Variants in ZEB1 observed in about 807,000 individuals in gnomAD.
ZEB1 encodes the protein zinc finger E-box binding homeobox 1, also known as zinc finger E-box-binding homeobox 1.
Under a neutral mutation model 84.9 loss-of-function variants are expected in ZEB1, and 21 were observed. The observed-to-expected ratio is 0.25, with a 90% confidence interval of 0.18 to 0.36. ZEB1 has a LOEUF of 0.36. ZEB1 is among the 10% of genes least tolerant of loss of function. ZEB1 has a pLI of 1.00. For missense variants in ZEB1, 1,104 were observed against 1,330.2 expected (o/e 0.83, Z 2.65); for synonymous variants, 420 against 471.1 (o/e 0.89, Z 1.41).
At chr10:31,399,495 C>T (rs1381861903) in intron 1 of ZEB1, among the ~76,000 whole-genome samples, 1 of 152,076 alleles carries the variant, frequency 6.6e-6, no homozygotes, top group Non-Finnish European at 1.5e-5. Flanking sequence ...TATTATCTTG[C>T]TTCTGTCCCA....
At chr10:31,332,353 A>C (rs2036986792) in intron 1 of ZEB1, among the ~76,000 whole-genome samples, 1 of 152,198 alleles carries the variant, frequency 6.6e-6, no homozygotes, top group South Asian at 2.1e-4. Context: ...CAGTGCAAAC[A>C]AATGTGTTGT....
At chr10:31,484,934 A>G (rs917043796) in intron 2 of ZEB1, among the ~76,000 whole-genome samples, 4 of 151,928 alleles carry the variant, frequency 2.6e-5, no homozygotes, top group African/African-American at 9.7e-5. Context: ...CACTTTTGCA[A>G]TGATGTTGTA....
chr10:31,527,532 A>G lies in ZEB1; in HGVS notation c.*268A>G, dbSNP rs1244152480. On this transcript the variant is annotated 3_prime_UTR_variant, in exon 9 of 9. Coordinates refer to ENST00000424869, the MANE Select transcript of ZEB1 (RefSeq NM_001174096.2). ...TCAAAGTTAGGAACAAGTTTGTAAC[A>G]TGCAGCAGATTAGAAAACCTTAATG... The G allele has an allele frequency of 8.6e-6, 4 of 464,840 alleles. No homozygotes were observed. Among genetic ancestry groups the G allele is most frequent in the Non-Finnish European group, 1.5e-5 (4 of 260,352 alleles). 28.8% of individuals were successfully genotyped at this position (464,840 alleles called of 1,614,324 possible).
chr10:31,413,743 A>G (rs768451666), intron 1 of ZEB1, among the ~76,000 whole-genome samples: 7 of 152,186 alleles, frequency 4.6e-5, no homozygotes, highest in Non-Finnish European at 1.0e-4. Context: ...ATTGACTATT[A>G]AGAATATAGA....
intron 2 of ZEB1, among the ~76,000 whole-genome samples, chr10:31,472,298 AATAG>A (rs200088899): frequency 0.038 from 5,792 of 152,206 alleles, 208 homozygotes; most frequent in African/African-American, 0.094. Context: ...GGGTCAAGAA[AATAG>A]ATAGACCACT....
chr10:31,464,834 AT>A (rs1030121786), intron 2 of ZEB1, among the ~76,000 whole-genome samples: 2 of 152,204 alleles, frequency 1.3e-5, no homozygotes, highest in South Asian at 2.1e-4. Context: ...AAGCTGAGGG[AT>A]TTTGTCACTG....
chr10:31,412,940 C>T (rs1343359808), intron 1 of ZEB1, among the ~76,000 whole-genome samples: 1 of 152,154 alleles, frequency 6.6e-6, no homozygotes, highest in Non-Finnish European at 1.5e-5. Flanking sequence ...CTGACTTACC[C>T]TGCAATTGCT....
chr10:31,506,910 C>T (rs2069077701), intron 4 of ZEB1, among the ~76,000 whole-genome samples: 1 of 151,930 alleles, frequency 6.6e-6, no homozygotes, highest in African/African-American at 2.4e-5. Flanking sequence ...CTTATTTGTA[C>T]TTGTTCTACC....
chr10:31,494,411 T>C (rs1199027080), intron 2 of ZEB1, among the ~76,000 whole-genome samples: 1 of 152,068 alleles, frequency 6.6e-6, no homozygotes, highest in Non-Finnish European at 1.5e-5. Context: ...ATCATCTTCA[T>C]GTACTAGTAT....
chr10:31,415,637 T>G (rs2055089714), intron 1 of ZEB1, among the ~76,000 whole-genome samples: 1 of 152,142 alleles, frequency 6.6e-6, no homozygotes, highest in Non-Finnish European at 1.5e-5. Flanking sequence ...TGCTTTAACA[T>G]ACCTTCATCA....
intron 1 of ZEB1, among the ~76,000 whole-genome samples, chr10:31,341,056 A>G (rs915153368): frequency 1.4e-4 from 22 of 152,122 alleles, no homozygotes; most frequent in African/African-American, 4.6e-4. Flanking sequence ...TTTAAATGCC[A>G]TGTTTAGGAG....
In ZEB1 at chr10:31,385,504, TTTTTC is replaced by T. The variant is rs200397225; in HGVS notation, c.58+66222_58+66226del. The stretch of plus-strand genomic sequence containing the variant: ...TCAGCATTTCTTCATTTTGTTTTCT[TTTTTC>T]TTTTCTTTTTTTCTTTTTCTTTTCT... On this transcript the variant is annotated intron_variant, in intron 1 of 8. Coordinates refer to ENST00000424869, the MANE Select transcript of ZEB1 (RefSeq NM_001174096.2). 9.0e-3 allele frequency among the ~76,000 whole-genome samples: 1,362 copies of T among 151,888 alleles called. 13 individuals carry two copies. Among genetic ancestry groups the T allele is most frequent in the African/African-American group, 0.031 (1,270 of 41,432 alleles).
chr10:31,421,032 A>G (rs2056078343), intron 1 of ZEB1, among the ~76,000 whole-genome samples: 1 of 152,092 alleles, frequency 6.6e-6, no homozygotes, highest in South Asian at 2.1e-4. Flanking sequence ...TTCTCCAGTC[A>G]TTTGCTGAAA....
chr10:31,458,628 CAT>C (rs1482181418), intron 1 of ZEB1, among the ~76,000 whole-genome samples: 2 of 151,940 alleles, frequency 1.3e-5, no homozygotes, highest in Non-Finnish European at 2.9e-5. Context: ...TTTATGGAAA[CAT>C]AAAACCATTC....
chr10:31,410,103 G>A (rs1029088823), intron 1 of ZEB1, among the ~76,000 whole-genome samples: 9 of 152,166 alleles, frequency 5.9e-5, no homozygotes, highest in African/African-American at 1.7e-4. Flanking sequence ...CAAAGGGAAT[G>A]CTTCTAGCTT....
At chr10:31,461,265 G>C in intron 2 of ZEB1, 28 bp downstream of exon 2, 1 of 1,576,406 alleles carries the variant, frequency 6.3e-7, no homozygotes, top group Non-Finnish European at 8.6e-7. Flanking sequence ...TTGTAATATT[G>C]TATTCTCATG....
intron 1 of ZEB1, among the ~76,000 whole-genome samples, chr10:31,413,720 A>G (rs957177781): frequency 6.6e-6 from 1 of 152,188 alleles, no homozygotes; most frequent in African/African-American, 2.4e-5. Context: ...AAATAGGGCT[A>G]CTCATAAAAA....
At chr10:31,426,427 G>A (rs1342850103) in intron 1 of ZEB1, among the ~76,000 whole-genome samples, 1 of 152,042 alleles carries the variant, frequency 6.6e-6, no homozygotes, top group African/African-American at 2.4e-5. Flanking sequence ...GTTCCTTTTG[G>A]CCTTCTCAGA....
At chr10:31,380,559 C>T (rs2047443084) in intron 1 of ZEB1, among the ~76,000 whole-genome samples, 1 of 151,926 alleles carries the variant, frequency 6.6e-6, no homozygotes, top group Admixed American at 6.6e-5. Flanking sequence ...TGACTGTTCT[C>T]CAAATCAATT....
Sources: gnomAD v4.1 joint callset for allele counts (sites outside exome capture counted in the v4.1 genomes callset) on GRCh38, gnomAD v4.1.1 for gene constraint, MANE v1.5 for transcripts, NCBI Gene and HGNC (gene_info 2026-07-23, HGNC 2026-07-21) for gene names.